The following KCNT1 variants were observed in gnomAD, a reference collection of about 807,000 sequenced individuals.
KCNT1 encodes potassium channel subfamily T member 1.
Under a neutral mutation model 147.8 loss-of-function variants are expected in KCNT1, and 78 were observed. The ratio of observed to expected loss-of-function variants is 0.53; its 90% CI spans 0.44 to 0.64. The LOEUF is 0.64. KCNT1 is among the 30% of genes least tolerant of loss of function. The pLI is 0.00. For missense variants in KCNT1, 1,419 were observed against 1,750.3 expected (o/e 0.81, Z 3.38); for synonymous variants, 867 against 748.8 (o/e 1.16, Z -2.58).
At chr9:135,768,404 C>CAG (rs1407667788) in intron 13 of KCNT1, 1 of 485,126 alleles carries the variant, frequency 2.1e-6, no homozygotes, top group African/African-American at 2.0e-5. Context: ...TCCTGACCAG[C>CAG]AGAGAGTAGG....
intron 24 of KCNT1, among the ~76,000 whole-genome samples, chr9:135,780,534 G>A (rs1462025872): frequency 6.6e-6 from 1 of 152,238 alleles, no homozygotes; most frequent in Non-Finnish European, 1.5e-5. Flanking sequence ...TTCTGCCCCA[G>A]AGAAGCGAGA....
At chr9:135,738,475 C>G (rs533993406) in intron 2 of KCNT1, among the ~76,000 whole-genome samples, 1 of 152,104 alleles carries the variant, frequency 6.6e-6, no homozygotes, top group Non-Finnish European at 1.5e-5. Context: ...AGGCCAGAGC[C>G]GAGAGGCAGG....
Position 135,770,043 on chromosome 9 carries a change from C to T in KCNT1, c.1607C>T (p.Thr536Met), listed in dbSNP as rs1430492627. 10 of 1,550,948 alleles carry T rather than the reference C, an allele frequency of 6.4e-6. No individual in the cohort carries two copies. The highest frequency in any genetic ancestry group is 7.8e-6 in the Non-Finnish European group (9 of 1,147,604). ...ACCCTCATCACCCTGCTGGTGCACA[C>T]GTCCCGCGGCCAGTGAGTGCCCCGT... ...TSTLITLLVH[T>M]SRGQEGQESP... Residue 536 changes from threonine (T) to methionine (M), a missense_variant, in exon 16 of 31, where the codon ACG (threonine) becomes ATG (methionine). By Grantham distance (81) the Thr-to-Met change is moderately conservative. Around this residue, in one of 5 missense-constraint regions of KCNT1, gnomAD observed 401 missense variants for 610.6 expected, o/e 0.66. Transcript: ENST00000371757.
chr9:135,764,826 G>T lies in KCNT1; in HGVS notation c.1036-205G>T, dbSNP rs79954161. Among the ~76,000 whole-genome samples the T allele has an allele frequency of 0.025, 3,855 of 152,222 alleles. 68 individuals are homozygous for T. The highest frequency in any genetic ancestry group is 0.11 in the Middle Eastern group (33 of 294). ...TGGTCCCCACACATCCTGCCAGCCG[G>T]GCCTGCGTCCTGCTCTGTGTCATCT... On this transcript the variant is annotated intron_variant, in intron 11 of 30. Transcript: ENST00000371757.
intron 2 of KCNT1, among the ~76,000 whole-genome samples, chr9:135,741,713 G>A (rs1240598920): frequency 2.6e-5 from 4 of 152,256 alleles, no homozygotes; most frequent in African/African-American, 4.8e-5. Context: ...GGCGTAGGCC[G>A]ATGAGCGTGT....
intron 2 of KCNT1, among the ~76,000 whole-genome samples, chr9:135,732,044 A>AGAGAGAGAGAGAGAGAGT (rs1836507050): frequency 1.5e-5 from 2 of 134,840 alleles, no homozygotes; most frequent in Admixed American, 1.5e-4. Flanking sequence ...AGAGAGAGGG[A>AGAGAGAGAGAGAGAGAGT]GTCTCACTCT....
rs111066219 is a variant in KCNT1 at position 135,727,203 on chromosome 9, C to T, written c.254+12483C>T. Among the ~76,000 whole-genome samples, 505 of 72,212 alleles carry T rather than the reference C, an allele frequency of 7.0e-3. 24 individuals are homozygous for T. The highest frequency in any genetic ancestry group is 8.2e-3 in the Non-Finnish European group (305 of 37,088). 47.4% of individuals were successfully genotyped at this position (72,212 alleles called of 152,430 possible). A position where few individuals can be genotyped will look rare whatever the true frequency, so the allele number is the denominator to read the frequency against. On this transcript the variant is annotated intron_variant, in intron 2 of 30. Coordinates refer to ENST00000371757, the MANE Select transcript of KCNT1 (RefSeq NM_020822.3). ...TCTCTCTCTCTTTCCCATTCTCTCT[C>T]TCCCTCTCCCTCTCTCTCTCTCTTT...
intron 1 of KCNT1, among the ~76,000 whole-genome samples, chr9:135,704,186 A>C (rs1835154493): frequency 6.6e-6 from 1 of 152,182 alleles, no homozygotes; most frequent in Non-Finnish European, 1.5e-5. Flanking sequence ...GCCAGGCAAC[A>C]GCGTGGTCAG....
Position 135,752,035 on chromosome 9 carries a change from C to T in KCNT1, c.434+994C>T, listed in dbSNP as rs1831205916. ...CTCCCGAGCTCACATTGGGCCCTGACTTTTTCATACCCGTAGATTTCCTCA... is the reference window on the plus strand; with the variant it reads ...CTCCCGAGCTCACATTGGGCCCTGATTTTTTCATACCCGTAGATTTCCTCA... On this transcript the variant is annotated intron_variant, in intron 4 of 30. Transcript: ENST00000371757. The surrounding 1 kb of genome is among the most constrained non-coding windows in gnomAD (Gnocchi z 5.1). The T allele has an allele frequency of 9.3e-6, 2 of 214,430 alleles. No homozygotes were observed. Among genetic ancestry groups the T allele is most frequent in the Admixed American group, 1.1e-4 (2 of 18,750 alleles). 13.3% of individuals were successfully genotyped at this position (214,430 alleles called of 1,614,324 possible). A position where few individuals can be genotyped will look rare whatever the true frequency, so the allele number is the denominator to read the frequency against.
rs1832497985 is a variant in KCNT1, at chr9:135,768,602, C to A, written c.1338-8C>A. 6.5e-7 allele frequency: 1 copy of A among 1,549,944 alleles called. No homozygotes were observed. Among genetic ancestry groups the A allele is most frequent in the Non-Finnish European group, 8.7e-7 (1 of 1,146,416 alleles). On this transcript the variant is annotated splice_polypyrimidine_tract_variant and splice_region_variant and intron_variant, in intron 13 of 30. Coordinates refer to ENST00000371757, the MANE Select transcript of KCNT1 (RefSeq NM_020822.3). ...CTCCACCCACGCTCAGGCCCTGGTG[C>A]ATTGCAGGATGGACAATGGGGAGGC...
intron 11 of KCNT1, among the ~76,000 whole-genome samples, chr9:135,761,210 G>A (rs1431909769): frequency 1.3e-5 from 2 of 152,146 alleles, no homozygotes; most frequent in East Asian, 3.9e-4. Flanking sequence ...TTACTGAAAA[G>A]ATCATTCCCT....
At chr9:135,738,791 A>T (rs768712164) in intron 2 of KCNT1, among the ~76,000 whole-genome samples, 1 of 152,060 alleles carries the variant, frequency 6.6e-6, no homozygotes, top group Admixed American at 6.5e-5. Flanking sequence ...CACACAGTCC[A>T]GCTCCCCTGA....
At chr9:135,771,753 C>G (rs1215370200) in intron 18 of KCNT1, among the ~76,000 whole-genome samples, 2 of 152,040 alleles carry the variant, frequency 1.3e-5, no homozygotes, top group Non-Finnish European at 2.9e-5. Context: ...AGGGCACCAC[C>G]CATAGTGGTG....
chr9:135,759,732 C>T lies in KCNT1; in HGVS notation c.908C>T (p.Thr303Ile). The change falls in exon 11 of 31, where the codon ACC becomes ATC. Residue 303 changes from threonine to isoleucine, a missense_variant. Around this residue, in one of 5 missense-constraint regions of KCNT1, gnomAD observed 401 missense variants for 610.6 expected, o/e 0.66. Coordinates refer to ENST00000371757, the MANE Select transcript of KCNT1 (RefSeq NM_020822.3). ...ERAGENLSLL[T>I]SFYFCIVTFS... ...GCGGGCGAGAACCTGTCCCTCCTGA[C>T]CTCCTTCTACTTCTGCATCGTCACC... The T allele has an allele frequency of 1.9e-6, 3 of 1,613,514 alleles. No homozygotes were observed. Among genetic ancestry groups the T allele is most frequent in the Non-Finnish European group, 2.5e-6 (3 of 1,179,798 alleles).
chr9:135,777,520 C>A lies in KCNT1; in HGVS notation c.2522+10C>A. On this transcript the variant is annotated intron_variant, in intron 21 of 30. Coordinates refer to ENST00000371757, the MANE Select transcript of KCNT1 (RefSeq NM_020822.3). ...TGCTGCTGGACAACAAGTGAGGCTCCTGGGGCTCAGCCCACCCCGCCCACC... is the reference window on the plus strand; with the variant it reads ...TGCTGCTGGACAACAAGTGAGGCTCATGGGGCTCAGCCCACCCCGCCCACC... 1.2e-6 allele frequency: 2 copies of A among 1,611,022 alleles called. No individual in the cohort carries two copies. The highest frequency in any genetic ancestry group is 1.7e-6 in the Non-Finnish European group (2 of 1,179,118).
intron 2 of KCNT1, among the ~76,000 whole-genome samples, chr9:135,727,947 A>G (rs1836286079): frequency 6.6e-6 from 1 of 152,268 alleles, no homozygotes; most frequent in Admixed American, 6.5e-5. Context: ...TCCTGGCCCA[A>G]AACGCAGTCA....
At chr9:135,760,793 A>G (rs564197135) in intron 11 of KCNT1, among the ~76,000 whole-genome samples, 1 of 152,342 alleles carries the variant, frequency 6.6e-6, no homozygotes, top group East Asian at 1.9e-4. Context: ...TCCTGAGTTC[A>G]GATGGGGCCG....
intron 2 of KCNT1, among the ~76,000 whole-genome samples, chr9:135,732,971 T>C (rs949269192): frequency 6.6e-6 from 1 of 151,956 alleles, no homozygotes; most frequent in Non-Finnish European, 1.5e-5. Context: ...TGATGAGGGC[T>C]AAGGGTGAGG....
In KCNT1 at chr9:135,786,372, G is replaced by A. The variant is rs1055618053; in HGVS notation, c.3353G>A (p.Arg1118His). 9.5e-6 allele frequency: 15 copies of A among 1,577,598 alleles called. No individual in the cohort carries two copies. The highest frequency in any genetic ancestry group is 4.6e-5 in the East Asian group (2 of 43,164). Reference protein sequence around the residue: ...KSLQWARRLSRKAPKQAGRAA... With the variant: ...KSLQWARRLSHKAPKQAGRAA... Reference sequence around the variant, plus strand: ...CTGCAGTGGGCCCGGAGGCTGAGCCGCAAGGCGCCCAAGCAGGCAGGCCGG... The same window carrying A: ...CTGCAGTGGGCCCGGAGGCTGAGCCACAAGGCGCCCAAGCAGGCAGGCCGG... Residue 1118 changes from arginine (R) to histidine (H), a missense_variant, in exon 29 of 31, where the codon CGC (arginine) becomes CAC (histidine). Coordinates refer to ENST00000371757, the MANE Select transcript of KCNT1 (RefSeq NM_020822.3).
Sources: allele counts gnomAD v4.1 joint callset (sites outside exome capture counted in the v4.1 genomes callset), GRCh38; gene constraint gnomAD v4.1.1; regional missense constraint gnomAD v4.1.1; non-coding constraint Gnocchi (gnomAD v3.1); transcripts MANE v1.5; gene names NCBI Gene and HGNC (gene_info 2026-07-23, HGNC 2026-07-21).